INTS4: variants seen among roughly 807,000 people sequenced by gnomAD.
The protein encoded by INTS4 is integrator complex subunit 4.
INTS4 carries 70 observed loss-of-function variants against 119.5 expected under a neutral mutation model. That is an observed-to-expected ratio of 0.59 (90% CI 0.48 to 0.71). The LOEUF (loss-of-function observed/expected upper bound fraction) is 0.71, where lower values mean the gene tolerates loss of function less well. Among genes scored for constraint, INTS4 ranks in the 30% least tolerant of loss-of-function variants. The pLI, the probability that INTS4 is intolerant of heterozygous loss-of-function variation, is 0.00. For missense variants in INTS4, 867 were observed against 1,173.2 expected, an observed-to-expected ratio of 0.74 and a Z score of 3.81; for synonymous variants, 316 against 419.6, an observed-to-expected ratio of 0.75 and a Z score of 3.02.
In INTS4 at chr11:77,994,621, C is replaced by T; in HGVS notation, c.23G>A (p.Arg8Gln). The change falls in exon 1 of 23, where the codon CGG (arginine) becomes CAG (glutamine). Residue 8 changes from arginine to glutamine, a missense_variant. Arg to Gln is a conservative substitution (Grantham distance 43, BLOSUM62 1). Around this residue, in one of 5 missense-constraint regions of INTS4, gnomAD observed 224 missense variants for 231.8 expected, o/e 0.97. Coordinates refer to ENST00000534064, the MANE Select transcript of INTS4 (RefSeq NM_033547.4). MAAHLKKRVYEEFTKVVQ... is the reference protein window; with the variant it reads MAAHLKKQVYEEFTKVVQ... ...CACTTTCGTGAATTCCTCATAAACC[C>T]GCTTCTTAAGGTGCGCCGCCATGCC... The T allele has an allele frequency of 6.2e-7, 1 of 1,614,142 alleles. No individual in the cohort carries two copies. The highest frequency in any genetic ancestry group is 8.5e-7 in the Non-Finnish European group (1 of 1,179,988).
At chr11:77,875,068 G>A (rs913939522), downstream of INTS4, among the ~76,000 whole-genome samples, 1 of 151,354 alleles carries the variant, frequency 6.6e-6, no homozygotes, top group African/African-American at 2.4e-5. Context: ...ACATGAAGCT[G>A]GCCACAGCTA....
rs180880236 is a variant in INTS4 at position 77,957,711 on chromosome 11, C to A, written c.797+1035G>T. ...AGAGAAAGTGTCTTGCTCTGTGACCCAGGCTGGAGTGCAGTGGTGTGATCT... is the reference window on the plus strand; with the variant it reads ...AGAGAAAGTGTCTTGCTCTGTGACCAAGGCTGGAGTGCAGTGGTGTGATCT... On this transcript the variant is annotated intron_variant, in intron 7 of 22. Transcript: ENST00000534064. Among the ~76,000 whole-genome samples, 740 of 146,022 alleles carry A rather than the reference C, an allele frequency of 5.1e-3. 8 individuals carry two copies. Among genetic ancestry groups the A allele is most frequent in the African/African-American group, 0.017 (655 of 39,096 alleles).
chr11:77,944,137 T>A (rs1236535885), intron 8 of INTS4, among the ~76,000 whole-genome samples: 1 of 152,202 alleles, frequency 6.6e-6, no homozygotes, highest in Non-Finnish European at 1.5e-5. Context: ...CTCTTTTACA[T>A]GGTTTTGAAT....
intron 4 of INTS4, among the ~76,000 whole-genome samples, chr11:77,968,471 G>A (rs928311623): frequency 6.6e-6 from 1 of 152,166 alleles, no homozygotes; most frequent in Non-Finnish European, 1.5e-5. Flanking sequence ...ATATAGAATG[G>A]TGGTTGTTAG....
intron 8 of INTS4, among the ~76,000 whole-genome samples, chr11:77,950,750 T>C: frequency 6.6e-6 from 1 of 152,028 alleles, no homozygotes; most frequent in Admixed American, 6.6e-5. Context: ...ACTTTAAGTT[T>C]TAGGGTACAT....
intron 4 of INTS4, among the ~76,000 whole-genome samples, chr11:77,974,918 T>G (rs1336818080): frequency 6.6e-6 from 1 of 152,166 alleles, no homozygotes; most frequent in Admixed American, 6.6e-5. Flanking sequence ...ACTTTTCCTT[T>G]TTTTTCCTAA....
chr11:77,885,459 G>C (rs1951964825), intron 21 of INTS4, among the ~76,000 whole-genome samples: 1 of 152,124 alleles, frequency 6.6e-6, no homozygotes, highest in Non-Finnish European at 1.5e-5. Flanking sequence ...AAAAATGCAG[G>C]TGTCTCAGTT....
At chr11:77,878,567 C>T, downstream of INTS4, 1 of 517,754 alleles carries the variant, frequency 1.9e-6, no homozygotes. Context: ...CACACCGTCA[C>T]TTTAAGAAAT....
intron 11 of INTS4, among the ~76,000 whole-genome samples, chr11:77,927,463 A>G (rs1200679074): frequency 6.6e-6 from 1 of 152,028 alleles, no homozygotes. Context: ...TCACATCTGA[A>G]CCCCATCTTC....
At chr11:77,977,680 T>C (rs1856007260) in intron 4 of INTS4, among the ~76,000 whole-genome samples, 1 of 150,418 alleles carries the variant, frequency 6.6e-6, no homozygotes, top group African/African-American at 2.4e-5. Flanking sequence ...TAATAAAAAA[T>C]ATATTTAAGT....
intron 21 of INTS4, among the ~76,000 whole-genome samples, chr11:77,888,968 C>A (rs1015961829): frequency 2.0e-5 from 3 of 152,214 alleles, no homozygotes; most frequent in African/African-American, 7.2e-5. Context: ...CACTTTTACA[C>A]TGTTGGTGGG....
chr11:77,914,575 C>A (rs1953163726), intron 15 of INTS4, among the ~76,000 whole-genome samples: 1 of 152,108 alleles, frequency 6.6e-6, no homozygotes, highest in Non-Finnish European at 1.5e-5. Context: ...GAGCTTACAG[C>A]AGGGTCAGCA....
At chr11:77,968,889 G>A (rs1855599728) in intron 4 of INTS4, among the ~76,000 whole-genome samples, 1 of 151,998 alleles carries the variant, frequency 6.6e-6, no homozygotes, top group Non-Finnish European at 1.5e-5. Flanking sequence ...CCAAAACGTG[G>A]AAAAAATGTA....
intron 2 of INTS4, among the ~76,000 whole-genome samples, chr11:77,989,678 C>T (rs1188510816): frequency 6.6e-6 from 1 of 151,088 alleles, no homozygotes; most frequent in Non-Finnish European, 1.5e-5. Context: ...TTGCTTGAGC[C>T]CAGGAATTCG....
chr11:77,964,112 G>A (rs1855377689), intron 4 of INTS4, among the ~76,000 whole-genome samples: 1 of 152,150 alleles, frequency 6.6e-6, no homozygotes, highest in African/African-American at 2.4e-5. Context: ...TTAATTTCTT[G>A]TCAAGTCTTT....
chr11:77,994,654 G>A lies in INTS4; in HGVS notation c.-11C>T. Reference sequence around the variant, plus strand: ...AAGGTGCGCCGCCATGCCTACCCGCGGGCCCTCTCAGCTTCCGTACACTAG... The same window carrying A: ...AAGGTGCGCCGCCATGCCTACCCGCAGGCCCTCTCAGCTTCCGTACACTAG... On this transcript the variant is annotated 5_prime_UTR_variant, in exon 1 of 23. Coordinates refer to ENST00000534064, the MANE Select transcript of INTS4 (RefSeq NM_033547.4). The A allele has an allele frequency of 1.2e-6, 2 of 1,614,074 alleles. No homozygotes were observed. Among genetic ancestry groups the A allele is most frequent in the South Asian group, 1.1e-5 (1 of 91,076 alleles).
At chr11:77,959,363 G>C (rs1954408000) in intron 6 of INTS4, among the ~76,000 whole-genome samples, 1 of 152,128 alleles carries the variant, frequency 6.6e-6, no homozygotes, top group Non-Finnish European at 1.5e-5. Flanking sequence ...CTTCATGGAT[G>C]TCCCATCAAA....
intron 15 of INTS4, among the ~76,000 whole-genome samples, chr11:77,911,880 A>C (rs1953094981): frequency 6.6e-6 from 1 of 152,236 alleles, no homozygotes; most frequent in African/African-American, 2.4e-5. Flanking sequence ...TAAAGATCAA[A>C]ATTTAAGTGG....
intron 4 of INTS4, among the ~76,000 whole-genome samples, chr11:77,970,777 T>C (rs1423410416): frequency 6.6e-6 from 1 of 151,974 alleles, no homozygotes; most frequent in Non-Finnish European, 1.5e-5. Context: ...ATTACAGCCA[T>C]CCTAGAAATG....
Sources: gnomAD v4.1 joint callset for allele counts (sites outside exome capture counted in the v4.1 genomes callset) on GRCh38, gnomAD v4.1.1 for gene constraint, gnomAD v4.1.1 regional missense constraint, MANE v1.5 for transcripts, NCBI Gene and HGNC (gene_info 2026-07-23, HGNC 2026-07-21) for gene names.